LARGE1: variants seen among roughly 807,000 people sequenced by gnomAD.
LARGE1 encodes the protein LARGE xylosyl- and glucuronyltransferase 1, also known as xylosyl- and glucuronyltransferase LARGE1.
In LARGE1, 43 loss-of-function variants were observed where a neutral mutation model predicts 87.6. That is an observed-to-expected ratio of 0.49 (90% confidence interval 0.38 to 0.63). LARGE1 has a LOEUF of 0.63. Ranked by LOEUF, LARGE1 falls within the 30% of genes least tolerant of loss-of-function variation. LARGE1 has a pLI of 0.00. For missense variants in LARGE1, 802 were observed against 1,000.2 expected (o/e 0.80, Z 2.67); for synonymous variants, 434 against 394.6 (o/e 1.10, Z -1.18).
intron 2 of LARGE1, among the ~76,000 whole-genome samples, chr22:33,696,837 A>G (rs2082267676): frequency 6.6e-6 from 1 of 152,014 alleles, no homozygotes; most frequent in Admixed American, 6.6e-5. Context: ...CAGTTGCTCT[A>G]GGTATTATAT....
At chr22:33,908,236 C>T (rs2065514450) in intron 1 of LARGE1, among the ~76,000 whole-genome samples, 1 of 152,110 alleles carries the variant, frequency 6.6e-6, no homozygotes, top group Non-Finnish European at 1.5e-5. Flanking sequence ...TAGAAGATCC[C>T]CTGAGATGCA....
chr22:33,591,413 T>C (rs192653952), intron 5 of LARGE1, among the ~76,000 whole-genome samples: 205 of 152,326 alleles, frequency 1.3e-3, no homozygotes, highest in Non-Finnish European at 2.5e-3. Flanking sequence ...GATGTCATTA[T>C]TGATTTGCAT....
intron 1 of LARGE1, among the ~76,000 whole-genome samples, chr22:33,869,152 T>A (rs1299706426): frequency 1.3e-5 from 2 of 152,150 alleles, no homozygotes; most frequent in African/African-American, 4.8e-5. Context: ...TCTGGCCCTC[T>A]CTTACCCTTG....
intron 6 of LARGE1, among the ~76,000 whole-genome samples, chr22:33,553,363 A>G (rs1013003940): frequency 2.6e-5 from 4 of 152,068 alleles, no homozygotes; most frequent in African/African-American, 9.7e-5. Context: ...ATTAAAAAAA[A>G]AAAATAGCCA....
At chr22:33,834,878 C>G (rs2063069989) in intron 1 of LARGE1, among the ~76,000 whole-genome samples, 1 of 152,178 alleles carries the variant, frequency 6.6e-6, no homozygotes, top group African/African-American at 2.4e-5. Context: ...AAAAATCAGG[C>G]AGAGGCAAGT....
chr22:33,181,011 C>A (rs1923131069), intron 11 of LARGE1, among the ~76,000 whole-genome samples: 1 of 152,066 alleles, frequency 6.6e-6, no homozygotes, highest in African/African-American at 2.4e-5. Flanking sequence ...TTGCACTACT[C>A]TATAAATGTA....
chr22:33,774,136 A>G (rs1266845309), intron 1 of LARGE1, among the ~76,000 whole-genome samples: 1 of 152,162 alleles, frequency 6.6e-6, no homozygotes, highest in East Asian at 1.9e-4. Flanking sequence ...TCAATATGCT[A>G]CTGCTCTTCT....
chr22:33,187,958 A>AAAAAAAAAAAAAAG (rs1568965475), intron 11 of LARGE1, among the ~76,000 whole-genome samples: 2 of 107,496 alleles, frequency 1.9e-5, no homozygotes, highest in Non-Finnish European at 3.7e-5. Context: ...AAAAAAAAAA[A>AAAAAAAAAAAAAAG]AATCACTAAG....
At chr22:33,623,117 G>T (rs960190621) in intron 4 of LARGE1, among the ~76,000 whole-genome samples, 6 of 150,408 alleles carry the variant, frequency 4.0e-5, no homozygotes, top group Non-Finnish European at 4.4e-5. Flanking sequence ...TCATGCAAAG[G>T]CCCTTTTCTA....
At chr22:33,886,701 A>AGGAG (rs1209289969) in intron 1 of LARGE1, among the ~76,000 whole-genome samples, 1 of 143,292 alleles carries the variant, frequency 7.0e-6, no homozygotes, top group Non-Finnish European at 1.5e-5. Flanking sequence ...GAGGGAGGGA[A>AGGAG]GGAGGGAGGG....
chr22:33,363,527 G>T (rs1400873494), intron 9 of LARGE1, among the ~76,000 whole-genome samples: 1 of 149,348 alleles, frequency 6.7e-6, no homozygotes, highest in Non-Finnish European at 1.5e-5. Flanking sequence ...AACTCCCACT[G>T]GGTTCCTCCC....
At position 33,304,282 on chromosome 22, in the gene LARGE1, C is replaced by T. The variant is rs376455063; in HGVS notation, c.1677G>A (p.Met559Ile). The change falls in exon 12 of 15, where the codon ATG (methionine) becomes ATA (isoleucine). Residue 559 changes from methionine to isoleucine, a missense_variant. Met to Ile is a conservative substitution (Grantham distance 10). Transcript: ENST00000397394. ...GCAGGAAGTCAATGTCAGACAGGAA[C>T]ATGTAGGGAGTGCTGATGTGCTTCA... is the stretch of plus-strand genomic sequence containing the variant. ...VAMKHISTPY[M>I]FLSDIDFLPM... 22 of 1,614,130 alleles carry T rather than the reference C, an allele frequency of 1.4e-5. No individual in the cohort carries two copies. Among genetic ancestry groups the T allele is most frequent in the African/African-American group, 6.7e-5 (5 of 74,952 alleles).
At chr22:33,901,629 C>T (rs1250698819) in intron 1 of LARGE1, among the ~76,000 whole-genome samples, 2 of 152,176 alleles carry the variant, frequency 1.3e-5, no homozygotes, top group African/African-American at 2.4e-5. Context: ...TAGGATCACA[C>T]CACTGCACTC....
chr22:33,727,110 C>T (rs910200025), intron 2 of LARGE1, among the ~76,000 whole-genome samples: 2 of 152,110 alleles, frequency 1.3e-5, no homozygotes, highest in Admixed American at 6.6e-5. Context: ...AGGGGGAAGC[C>T]AGGAGGAGCT....
intron 2 of LARGE1, among the ~76,000 whole-genome samples, chr22:33,660,091 T>TGTGTG (rs1555987502): frequency 0.06 from 2,499 of 41,494 alleles, 42 homozygotes; most frequent in Middle Eastern, 0.17. Context: ...TGTGTGTGTG[T>TGTGTG]TTTTTTTTTT....
intron 6 of LARGE1, among the ~76,000 whole-genome samples, chr22:33,559,649 C>T (rs879361989): frequency 1.3e-5 from 2 of 152,216 alleles, no homozygotes; most frequent in Non-Finnish European, 2.9e-5. Context: ...AACATAGGAA[C>T]TTTGCGAGGA....
At chr22:33,145,311 C>T in the LARGE1 span, among the ~76,000 whole-genome samples, 1 of 152,198 alleles carries the variant, frequency 6.6e-6, no homozygotes, top group Non-Finnish European at 1.5e-5. Context: ...TGGGCCATTA[C>T]CAGGACCATC....
At chr22:33,362,246 A>G (rs949661670) in intron 9 of LARGE1, among the ~76,000 whole-genome samples, 1 of 149,396 alleles carries the variant, frequency 6.7e-6, no homozygotes, top group Non-Finnish European at 1.5e-5. Flanking sequence ...AGACTGAGGT[A>G]AAGTCAAGTG....
chr22:33,586,647 T>C lies in LARGE1; in HGVS notation c.615+17788A>G, dbSNP rs1196146666. Among the ~76,000 whole-genome samples, 3 of 152,074 alleles carry C rather than the reference T, an allele frequency of 2.0e-5. No individual in the cohort carries two copies. In the East Asian group the frequency reaches 5.8e-4, roughly 30 times the overall value. On this transcript the variant is annotated intron_variant, in intron 5 of 14. Coordinates refer to ENST00000397394, the MANE Select transcript of LARGE1 (RefSeq NM_133642.5). ...TAATTTTTTGTATTTTTAGTAGAGATGGGGTTTCACCATGTTAGCCAGGAT... is the reference window on the plus strand; with the variant it reads ...TAATTTTTTGTATTTTTAGTAGAGACGGGGTTTCACCATGTTAGCCAGGAT...
Sources: allele counts gnomAD v4.1 joint callset (sites outside exome capture counted in the v4.1 genomes callset), GRCh38; gene constraint gnomAD v4.1.1; transcripts MANE v1.5; gene names NCBI Gene and HGNC (gene_info 2026-07-23, HGNC 2026-07-21).